UGT2B4: variants seen among roughly 807,000 people sequenced by gnomAD.
UGT2B4 encodes the protein UDP glucuronosyltransferase family 2 member B4.
UGT2B4 carries 49 observed loss-of-function variants against 49.8 expected under a neutral mutation model. The ratio of observed to expected loss-of-function variants is 0.98; its 90% CI spans 0.78 to 1.25. The LOEUF (loss-of-function observed/expected upper bound fraction) is 1.25. Ranked by LOEUF, UGT2B4 falls within the 50% of genes most tolerant of loss-of-function variation. The pLI, the probability that UGT2B4 is intolerant of heterozygous loss-of-function variation, is 0.00. For synonymous variants in UGT2B4, 246 were observed against 217.7 expected, an observed-to-expected ratio of 1.13 and a Z score of -1.14; for missense variants, 729 against 627.7, an observed-to-expected ratio of 1.16 and a Z score of -1.73.
intron 5 of UGT2B4, among the ~76,000 whole-genome samples, chr4:69,483,114 A>G (rs1365532803): frequency 6.6e-6 from 1 of 152,194 alleles, no homozygotes; most frequent in Non-Finnish European, 1.5e-5. Context: ...AAGTGTGTGC[A>G]TAATTATGAT....
At chr4:69,489,873 A>G (rs779114371) in intron 2 of UGT2B4, among the ~76,000 whole-genome samples, 5 of 152,104 alleles carry the variant, frequency 3.3e-5, no homozygotes, top group Non-Finnish European at 5.9e-5. Context: ...CACTTATCAT[A>G]TTATAAGTAC....
chr4:69,495,231 C>T lies in UGT2B4; in HGVS notation c.631G>A (p.Val211Ile), dbSNP rs764169890. ...TAAAGCACATAGATCATATTTTTTA[C>T]CCTCTCTATGAAAGTCATTTGGTCA... is the stretch of plus-strand genomic sequence containing the variant. Reference protein sequence around the residue: ...LSDQMTFIERVKNMIYVLYFE... With the variant: ...LSDQMTFIERIKNMIYVLYFE... The change falls in exon 1 of 6, where the codon GTA becomes ATA. Residue 211 changes from valine (V) to isoleucine (I), a missense_variant. Transcript: ENST00000305107. 1.2e-6 allele frequency: 2 copies of T among 1,608,550 alleles called. No individual in the cohort carries two copies. The highest frequency in any genetic ancestry group is 1.7e-6 in the Non-Finnish European group (2 of 1,178,506).
chr4:69,488,982 A>G (rs1727899105), intron 3 of UGT2B4, among the ~76,000 whole-genome samples: 1 of 152,142 alleles, frequency 6.6e-6, no homozygotes, highest in Admixed American at 6.6e-5. Context: ...ACATGGCAAC[A>G]CTAAACTGCA....
intron 1 of UGT2B4, among the ~76,000 whole-genome samples, chr4:69,522,544 C>T (rs553477686): frequency 1.2e-4 from 18 of 152,148 alleles, no homozygotes; most frequent in Admixed American, 1.1e-3. Flanking sequence ...ATAATGTACA[C>T]ACCTCAATTG....
chr4:69,512,235 T>C (rs948723297), intron 1 of UGT2B4, among the ~76,000 whole-genome samples: 15 of 152,056 alleles, frequency 9.9e-5, no homozygotes, highest in African/African-American at 3.1e-4. Context: ...GTTAGCCTGA[T>C]AATTTGGATA....
rs1560436487 is a variant in UGT2B4 at position 69,495,574 on chromosome 4, T to C, written c.288A>G (p.Arg96=). The C allele has an allele frequency of 7.4e-6, 12 of 1,613,822 alleles. No homozygotes were observed. Among genetic ancestry groups the C allele is most frequent in the Non-Finnish European group, 9.3e-6 (11 of 1,179,966 alleles). Residue 96 remains arginine, a synonymous_variant, in exon 1 of 6, where the codon AGA becomes AGG. Transcript: ENST00000305107. Reference sequence around the variant, plus strand: ...ATGTGTCTTTTGGAAGTTCTGCCCATCTCTTAACCAGCTGCTTGATAATAT... The same window carrying C: ...ATGTGTCTTTTGGAAGTTCTGCCCACCTCTTAACCAGCTGCTTGATAATAT... ...FEDIIKQLVK[R]WAELPKDTFW... is the part of the protein sequence containing the mutation.
upstream of UGT2B4, chr4:69,496,077 T>C: frequency 1.6e-6 from 1 of 636,770 alleles, no homozygotes; most frequent in South Asian, 4.8e-5. Flanking sequence ...TTTTGGATTT[T>C]TTTTTTTTTG....
intron 1 of UGT2B4, among the ~76,000 whole-genome samples, chr4:69,512,624 A>G (rs573527126): frequency 1.3e-5 from 2 of 152,306 alleles, no homozygotes; most frequent in African/African-American, 4.8e-5. Flanking sequence ...CTTTGAGGAA[A>G]TGCCACACTG....
chr4:69,506,005 T>G (rs578085596), intron 1 of UGT2B4, among the ~76,000 whole-genome samples: 51 of 152,002 alleles, frequency 3.4e-4, no homozygotes, highest in Non-Finnish European at 6.3e-4. Flanking sequence ...AAGACAGAAA[T>G]CAAGAAGATC....
upstream of UGT2B4, among the ~76,000 whole-genome samples, chr4:69,500,129 G>A (rs1011532435): frequency 2.6e-5 from 4 of 152,206 alleles, no homozygotes; most frequent in South Asian, 2.1e-4. Flanking sequence ...ATTATCCTCA[G>A]CAAACTAACA....
At chr4:69,514,023 C>A (rs1451996036) in intron 1 of UGT2B4, among the ~76,000 whole-genome samples, 1 of 149,772 alleles carries the variant, frequency 6.7e-6, no homozygotes, top group South Asian at 2.1e-4. Flanking sequence ...TTTTTTATTA[C>A]TATCCCTAAT....
At chr4:69,523,665 G>A (rs1218664333) in intron 1 of UGT2B4, among the ~76,000 whole-genome samples, 2 of 152,064 alleles carry the variant, frequency 1.3e-5, no homozygotes, top group Non-Finnish European at 2.9e-5. Context: ...TCAACTTAAA[G>A]TCACCAGTTG....
At chr4:69,510,987 C>T (rs202069806) in intron 1 of UGT2B4, among the ~76,000 whole-genome samples, 18,405 of 87,236 alleles carry the variant, frequency 0.21, 1,774 homozygotes, top group Non-Finnish European at 0.26. Flanking sequence ...CTTTTCTTTT[C>T]TTCTTTTTTT....
At chr4:69,500,638 A>C (rs577610222), upstream of UGT2B4, among the ~76,000 whole-genome samples, 44 of 140,992 alleles carry the variant, frequency 3.1e-4, no homozygotes, top group South Asian at 2.3e-3. Flanking sequence ...AGAAAGAAAG[A>C]AAGAAAGAAA....
chr4:69,503,497 C>G (rs938186667), intron 1 of UGT2B4, among the ~76,000 whole-genome samples: 3 of 152,154 alleles, frequency 2.0e-5, no homozygotes, highest in Non-Finnish European at 4.4e-5. Flanking sequence ...GCAGTACACC[C>G]TCCTACTGCA....
chr4:69,490,883 C>T (rs571339172), intron 2 of UGT2B4, among the ~76,000 whole-genome samples: 5 of 152,228 alleles, frequency 3.3e-5, no homozygotes, highest in Admixed American at 3.3e-4. Context: ...TCCAGAGCCG[C>T]CTTCATCCAC....
chr4:69,516,732 G>A lies in UGT2B4; in HGVS notation c.-106+8955C>T, dbSNP rs569334318. ...GGGGATTCTCATGTTTCAGTCTCTC[G>A]GAGTAGCTGGGAGTACAGGCACCCA... On this transcript the variant is annotated intron_variant, in intron 1 of 1. Coordinates refer to the UGT2B4 transcript ENST00000510114. 4.1e-3 allele frequency among the ~76,000 whole-genome samples: 626 copies of A among 151,954 alleles called. 3 individuals are homozygous for A. Among genetic ancestry groups the A allele is most frequent in the South Asian group, 0.018 (87 of 4,814 alleles).
chr4:69,496,016 G>T (rs533548947), upstream of UGT2B4: 1,142 of 1,288,238 alleles, frequency 8.9e-4, 6 homozygotes, highest in Middle Eastern at 4.3e-3. Flanking sequence ...GGATGACAAA[G>T]AGACAAATAA....
chr4:69,514,144 G>C (rs887638542), intron 1 of UGT2B4, among the ~76,000 whole-genome samples: 1 of 151,818 alleles, frequency 6.6e-6, no homozygotes, highest in Non-Finnish European at 1.5e-5. Flanking sequence ...CAATGTGCAG[G>C]TTTGTTACAT....
Sources: allele counts gnomAD v4.1 joint callset (sites outside exome capture counted in the v4.1 genomes callset), GRCh38; gene constraint gnomAD v4.1.1; transcripts MANE v1.5; gene names NCBI Gene and HGNC (gene_info 2026-07-23, HGNC 2026-07-21).